The following RMC1 variants were observed in gnomAD, a reference collection of about 807,000 sequenced individuals.
The protein encoded by RMC1 is regulator of MON1-CCZ1.
RMC1 carries 44 observed loss-of-function variants against 95.5 expected under a neutral mutation model. That is an observed-to-expected ratio of 0.46 (90% confidence interval 0.36 to 0.59). The LOEUF (loss-of-function observed/expected upper bound fraction) is 0.59. RMC1 is among the 20% of genes least tolerant of loss of function. RMC1 has a pLI of 0.00. For missense variants in RMC1, 705 were observed against 819.6 expected, an observed-to-expected ratio of 0.86 and a Z score of 1.71; for synonymous variants, 320 against 303.6, an observed-to-expected ratio of 1.05 and a Z score of -0.56.
At chr18:23,531,257 G>A (rs2058494890) in intron 19 of RMC1, among the ~76,000 whole-genome samples, 1 of 152,074 alleles carries the variant, frequency 6.6e-6, no homozygotes, top group Non-Finnish European at 1.5e-5. Context: ...CCAAAGTGCT[G>A]GGATTACAGG....
Position 23,530,078 on chromosome 18 carries a change from T to C in RMC1, c.1545T>C (p.Phe515=), listed in dbSNP as rs747411365. The change falls in exon 17 of 20, where the codon TTT becomes TTC. Residue 515 remains phenylalanine, a synonymous_variant. Transcript: ENST00000269221. ...AAACCCTTGTCCAGCACAACCTCTT[T>C]TATATGCTGCATCAGTTCCTGCAGT... ...VIKTLVQHNL[F]YMLHQFLQYH... The C allele has an allele frequency of 3.7e-6, 6 of 1,614,120 alleles. No individual in the cohort carries two copies. The highest frequency in any genetic ancestry group is 1.3e-5 in the African/African-American group (1 of 74,940).
chr18:23,522,791 G>A (rs2145228186), intron 10 of RMC1: 1 of 152,546 alleles, frequency 6.6e-6, no homozygotes, highest in African/African-American at 2.4e-5. Context: ...CATTTTCAGA[G>A]GTTAGTGACT....
intron 1 of RMC1, among the ~76,000 whole-genome samples, chr18:23,504,163 C>T (rs1329826379): frequency 6.6e-6 from 1 of 152,354 alleles, no homozygotes; most frequent in African/African-American, 2.4e-5. Flanking sequence ...GGGAACCCGA[C>T]CCGGTGTCAC....
intron 14 of RMC1, chr18:23,528,974 G>C (rs1017078786): frequency 1.5e-6 from 1 of 689,156 alleles, no homozygotes; most frequent in African/African-American, 1.9e-5. Flanking sequence ...CTGCCTCCTG[G>C]GTTCAAGGGA....
At chr18:23,526,822 C>G in intron 13 of RMC1, 57 bp downstream of exon 13, 1 of 1,582,818 alleles carries the variant, frequency 6.3e-7, no homozygotes, top group Non-Finnish European at 8.6e-7. Flanking sequence ...TGCTGCCCAA[C>G]ACTTTTTATC....
intron 13 of RMC1, among the ~76,000 whole-genome samples, chr18:23,527,043 C>A (rs1446183818): frequency 3.3e-5 from 5 of 151,984 alleles, no homozygotes; most frequent in African/African-American, 7.3e-5. Context: ...TCACACACAC[C>A]TCTTTCAAAA....
rs1048836391 is a variant in RMC1 at position 23,516,062 on chromosome 18, A to T, written c.549+66A>T. The T allele has an allele frequency of 7.5e-6, 12 of 1,606,154 alleles. No individual in the cohort carries two copies. In the African/African-American group the frequency reaches 1.5e-4, roughly 20 times the overall value. ...TTGTCCCCTGTTCCTGTAGCATCCT[A>T]ATGTGTCAGGCACGTTAGGGACAGG... On this transcript the variant is annotated intron_variant, in intron 6 of 19. Coordinates refer to ENST00000269221, the MANE Select transcript of RMC1 (RefSeq NM_013326.5).
At chr18:23,511,341 G>C (rs562840111) in intron 5 of RMC1, among the ~76,000 whole-genome samples, 1 of 152,220 alleles carries the variant, frequency 6.6e-6, no homozygotes, top group Admixed American at 6.5e-5. Flanking sequence ...AGGGTGGGAG[G>C]AGGGAGAGGA....
intron 13 of RMC1, 103 bp from the exon 14 acceptor site, chr18:23,527,692 A>G (rs2058347032): frequency 4.4e-6 from 4 of 914,010 alleles, no homozygotes; most frequent in South Asian, 2.7e-5. Flanking sequence ...GTACTTTTGC[A>G]TTGGTAACCT....
At chr18:23,524,816 C>T (rs770596815) in intron 12 of RMC1, among the ~76,000 whole-genome samples, 3 of 152,006 alleles carry the variant, frequency 2.0e-5, no homozygotes, top group Non-Finnish European at 2.9e-5. Context: ...ACCTTCCCAC[C>T]GGTGTCCGTG....
In RMC1 at chr18:23,506,892, G is replaced by A. The variant is rs890898782; in HGVS notation, c.180-78G>A. The A allele has an allele frequency of 1.3e-5, 13 of 996,006 alleles. No homozygotes were observed. In the African/African-American group the frequency reaches 1.8e-4, roughly 14 times the overall value. 61.7% of individuals were successfully genotyped at this position (996,006 alleles called of 1,614,324 possible). On this transcript the variant is annotated intron_variant, in intron 2 of 19. Transcript: ENST00000269221. ...ATTTGCTGCCTCCTGAATATAGATT[G>A]TGTCTTTTGCCTTTTCAATAAATGG...
At chr18:23,526,504 A>AGCTACACTGACTGTACTTTGCGGCT (rs1294464540) in intron 12 of RMC1, 133 bp from the exon 13 acceptor site, 45 of 1,058,358 alleles carry the variant, frequency 4.3e-5, no homozygotes, top group Non-Finnish European at 5.6e-5. Flanking sequence ...AGGAAGGAAA[A>AGCTACACTGACTGTACTTTGCGGCT]GCTACACTGA....
intron 19 of RMC1, chr18:23,531,411 T>C (rs2058500669): frequency 1.0e-6 from 1 of 965,202 alleles, no homozygotes; most frequent in Non-Finnish European, 1.4e-6. Flanking sequence ...TAAGACGGCA[T>C]TTAGTTACCA....
At chr18:23,508,954 A>T (rs1223637688) in intron 4 of RMC1, among the ~76,000 whole-genome samples, 1 of 152,178 alleles carries the variant, frequency 6.6e-6, no homozygotes, top group Non-Finnish European at 1.5e-5. Context: ...TTTCTACAAA[A>T]CACAGACTTC....
At position 23,527,917 on chromosome 18, in the gene RMC1, T is replaced by G; in HGVS notation, c.1296+16T>G. On this transcript the variant is annotated intron_variant, in intron 14 of 19. Coordinates refer to ENST00000269221, the MANE Select transcript of RMC1 (RefSeq NM_013326.5). ...TTATGCGATGGTGAGTTACATGGAG[T>G]ATGACAAAGGGTCCTCCTCCCCCAC... 2 of 1,587,800 alleles carry G rather than the reference T, an allele frequency of 1.3e-6. No homozygotes were observed. Among genetic ancestry groups the G allele is most frequent in the Non-Finnish European group, 1.7e-6 (2 of 1,160,110 alleles).
At position 23,524,262 on chromosome 18, in the gene RMC1, G is replaced by A. The variant is rs1456638286; in HGVS notation, c.1006+88G>A. ...TCCTGAAGTCCTCCTCCGGGCAGCT[G>A]TGAATAACACTCCGAGAGCCACCCC... is the stretch of plus-strand genomic sequence containing the variant. On this transcript the variant is annotated intron_variant, in intron 11 of 19. Coordinates refer to ENST00000269221, the MANE Select transcript of RMC1 (RefSeq NM_013326.5). The A allele has an allele frequency of 1.1e-5, 17 of 1,549,612 alleles. 1 individual carries two copies. In the Admixed American group the frequency reaches 2.7e-4, roughly 25 times the overall value.
intron 6 of RMC1, 119 bp from the exon 7 acceptor site, chr18:23,516,201 G>GA (rs1295915105): frequency 7.4e-7 from 1 of 1,357,122 alleles, no homozygotes; most frequent in African/African-American, 1.4e-5. Context: ...GGACATGGGG[G>GA]ACGGTGGAAA....
chr18:23,519,540 A>G (rs1482070785), intron 9 of RMC1, among the ~76,000 whole-genome samples: 1 of 152,120 alleles, frequency 6.6e-6, no homozygotes, highest in African/African-American at 2.4e-5. Context: ...AAAATTGGCA[A>G]AATGTCTGAA....
intron 2 of RMC1, 116 bp downstream of exon 2, chr18:23,504,563 G>A: frequency 1.2e-6 from 1 of 851,216 alleles, no homozygotes; most frequent in Non-Finnish European, 1.9e-6. Flanking sequence ...CCTGAAGTCT[G>A]TGTGCGCACA....
Sources: gnomAD v4.1 joint callset for allele counts (sites outside exome capture counted in the v4.1 genomes callset) on GRCh38, gnomAD v4.1.1 for gene constraint, MANE v1.5 for transcripts, NCBI Gene and HGNC (gene_info 2026-07-23, HGNC 2026-07-21) for gene names.